Variants in LAMA4 observed in about 807,000 individuals in gnomAD.
LAMA4 encodes laminin subunit alpha-4.
A neutral mutation model predicts 207.1 loss-of-function variants in LAMA4; 127 were observed. That is an observed-to-expected ratio of 0.61 (90% CI 0.53 to 0.71). The LOEUF (loss-of-function observed/expected upper bound fraction) is 0.71, where lower values mean the gene tolerates loss of function less well. Among genes scored for constraint, LAMA4 ranks in the 30% least tolerant of loss-of-function variants. LAMA4 has a pLI of 0.00. For synonymous variants in LAMA4, 761 were observed against 816.0 expected, an observed-to-expected ratio of 0.93 and a Z score of 1.15; for missense variants, 2,093 against 2,246.5, an observed-to-expected ratio of 0.93 and a Z score of 1.38.
intron 2 of LAMA4, among the ~76,000 whole-genome samples, chr6:112,241,350 G>A (rs1461009397): frequency 6.6e-6 from 1 of 151,074 alleles, no homozygotes; most frequent in Non-Finnish European, 1.5e-5. Flanking sequence ...TTAAAAACAA[G>A]GCCAAAGACC....
At chr6:112,149,093 A>G (rs992870164) in intron 17 of LAMA4, among the ~76,000 whole-genome samples, 11 of 140,850 alleles carry the variant, frequency 7.8e-5, no homozygotes, top group Non-Finnish European at 1.1e-4. Context: ...ACCATCACCT[A>G]AGTGAATTAT....
chr6:112,199,770 C>CTT (rs11377610), intron 5 of LAMA4, among the ~76,000 whole-genome samples: 3,421 of 147,144 alleles, frequency 0.023, 76 homozygotes, highest in Middle Eastern at 0.062. Flanking sequence ...GATACTGTGG[C>CTT]TTTTTTTTTT....
Position 112,189,134 on chromosome 6 carries a change from T to C in LAMA4, c.790A>G (p.Thr264Ala), listed in dbSNP as rs373251901. ...CTTATGGTTGGGCAGTCCATGCCTG[T>C]AGGGGGTTCAAAACCTTCTTCCAAG... ...ECLEEGFEPP[T>A]GMDCPTISCD... The change falls in exon 7 of 39, where the codon ACA becomes GCA. Residue 264 changes from threonine (T) to alanine (A), a missense_variant. By Grantham distance (58) the Thr-to-Ala change is moderately conservative. Transcript: ENST00000230538. 2 of 1,613,762 alleles carry C rather than the reference T, an allele frequency of 1.2e-6. No homozygotes were observed. The highest frequency in any genetic ancestry group is 1.7e-6 in the Non-Finnish European group (2 of 1,179,672).
Position 112,117,897 on chromosome 6 carries a change from A to G in LAMA4, c.4823T>C (p.Ile1608Thr). The G allele has an allele frequency of 6.2e-7, 1 of 1,613,038 alleles. No individual in the cohort carries two copies. The highest frequency in any genetic ancestry group is 1.1e-5 in the South Asian group (1 of 91,046). ...GCCACTAAAACTGTAGATGGAGTTA[A>G]TCTGAGGGAAGAAGATATTTCTTAA... The part of the protein sequence containing the change: ...APGKAVKNVQ[I>T]NSIYSFSGCL... Residue 1608 changes from isoleucine to threonine, a missense_variant and splice_region_variant, in exon 35 of 39, where the codon ATT (isoleucine) becomes ACT (threonine). This residue lies in a region of LAMA4 where 383 missense variants were observed against 437.8 expected (regional missense o/e 0.87). Transcript: ENST00000230538. The surrounding 1 kb of genome is among the most constrained non-coding windows in gnomAD (Gnocchi z 4.5).
rs1349721471 is a variant in LAMA4 at position 112,108,053 on chromosome 6, CAG to C, written c.*1382_*1383del. Among the ~76,000 whole-genome samples, 2 of 152,062 alleles carry C rather than the reference CAG, an allele frequency of 1.3e-5. No homozygotes were observed. The highest frequency in any genetic ancestry group is 2.4e-5 in the African/African-American group (1 of 41,396). On this transcript the variant is annotated 3_prime_UTR_variant, in exon 39 of 39. Coordinates refer to ENST00000230538, the MANE Select transcript of LAMA4 (RefSeq NM_001105206.3). The stretch of plus-strand genomic sequence containing the variant: ...ATTATCATTATTTGTATATTTCAGA[CAG>C]AAGGGTAGCAGGGGATATAGGTAGG...
chr6:112,222,132 G>T (rs1253282431), intron 2 of LAMA4, among the ~76,000 whole-genome samples: 2 of 152,142 alleles, frequency 1.3e-5, no homozygotes, highest in African/African-American at 4.8e-5. Context: ...CAAGAAGTTG[G>T]CTTCTTGATT....
At chr6:112,123,632 G>A (rs1778506747) in intron 31 of LAMA4, among the ~76,000 whole-genome samples, 1 of 152,132 alleles carries the variant, frequency 6.6e-6, no homozygotes. Flanking sequence ...TTGGGCAGAG[G>A]GCAGGTTAAT....
intron 19 of LAMA4, 87 bp downstream of exon 19, chr6:112,144,707 C>T: frequency 6.8e-7 from 1 of 1,475,162 alleles, no homozygotes. Context: ...CAGAAAGGTC[C>T]AGGCTCTGGA....
chr6:112,133,286 TC>T (rs1291560090), intron 27 of LAMA4, 62 bp downstream of exon 27: 2 of 1,575,018 alleles, frequency 1.3e-6, no homozygotes, highest in South Asian at 1.1e-5. Flanking sequence ...AAAGAACTTT[TC>T]CAGCTTTTGA....
In LAMA4 at chr6:112,213,579, A is replaced by G. The variant is rs73544338; in HGVS notation, c.297+2789T>C. On this transcript the variant is annotated intron_variant, in intron 3 of 38. Transcript: ENST00000230538. ...GCTGTTTTATTTTCATTTAGCCACT[A>G]TTCTATATTTGAAAGATTAGTGTTC... 1,190 of 153,386 alleles carry G rather than the reference A, an allele frequency of 7.8e-3. 24 individuals carry two copies. Among genetic ancestry groups the G allele is most frequent in the African/African-American group, 0.027 (1,103 of 41,600 alleles). 9.5% of individuals were successfully genotyped at this position (153,386 alleles called of 1,614,324 possible). A position where few individuals can be genotyped will look rare whatever the true frequency, so the allele number is the denominator to read the frequency against.
chr6:112,121,941 G>T, intron 32 of LAMA4, 73 bp downstream of exon 32: 1 of 1,355,242 alleles, frequency 7.4e-7, no homozygotes, highest in Non-Finnish European at 1.1e-6. Flanking sequence ...GGGAAAAAAC[G>T]ATGACATGTG....
At chr6:112,218,884 T>C (rs1302283319) in intron 2 of LAMA4, 3 of 152,286 alleles carry the variant, frequency 2.0e-5, no homozygotes, top group African/African-American at 7.2e-5. Flanking sequence ...CTGGGCCTTG[T>C]CCACCTGAAA....
intron 26 of LAMA4, 103 bp from the exon 27 acceptor site, chr6:112,133,590 T>C: frequency 7.7e-7 from 1 of 1,302,396 alleles, no homozygotes; most frequent in South Asian, 1.2e-5. Context: ...TTGTAATGGC[T>C]TTATAATCAT....
intron 26 of LAMA4, 56 bp downstream of exon 26, chr6:112,134,411 T>A (rs773276345): frequency 4.9e-4 from 779 of 1,581,788 alleles, no homozygotes; most frequent in Non-Finnish European, 5.9e-4. Context: ...CTCTCCTGGA[T>A]GTTGCCAGCC....
At chr6:112,218,249 C>A (rs1784738715) in intron 2 of LAMA4, 1 of 152,130 alleles carries the variant, frequency 6.6e-6, no homozygotes, top group African/African-American at 2.4e-5. Context: ...CTCTAAATGA[C>A]CATATTACAG....
chr6:112,206,255 T>C (rs1784052173), intron 4 of LAMA4, among the ~76,000 whole-genome samples: 1 of 152,166 alleles, frequency 6.6e-6, no homozygotes, highest in Non-Finnish European at 1.5e-5. Context: ...GGCATTCTTG[T>C]GGAACTGATC....
intron 2 of LAMA4, among the ~76,000 whole-genome samples, chr6:112,247,320 G>T (rs146790425): frequency 1.3e-5 from 2 of 152,166 alleles, no homozygotes; most frequent in African/African-American, 4.8e-5. Flanking sequence ...GATTCACAGC[G>T]CATCTGTCTG....
At chr6:112,193,062 AAC>A (rs1783210617) in intron 5 of LAMA4, among the ~76,000 whole-genome samples, 1 of 152,190 alleles carries the variant, frequency 6.6e-6, no homozygotes, top group Non-Finnish European at 1.5e-5. Flanking sequence ...GTGGACTCTA[AAC>A]TAGTGTGGAA....
intron 5 of LAMA4, among the ~76,000 whole-genome samples, chr6:112,193,045 T>C (rs551999205): frequency 6.6e-6 from 1 of 152,310 alleles, no homozygotes; most frequent in East Asian, 1.9e-4. Context: ...GTGCACTCTC[T>C]TTTGCTGTGG....
Sources: allele counts gnomAD v4.1 joint callset (sites outside exome capture counted in the v4.1 genomes callset), GRCh38; gene constraint gnomAD v4.1.1; regional missense constraint gnomAD v4.1.1; non-coding constraint Gnocchi (gnomAD v3.1); transcripts MANE v1.5; gene names NCBI Gene and HGNC (gene_info 2026-07-23, HGNC 2026-07-21).